The following CSMD1 variants were observed in gnomAD, a reference collection of about 807,000 sequenced individuals.
CSMD1 encodes CUB and sushi domain-containing protein 1.
CSMD1 carries 213 observed loss-of-function variants against 417.5 expected under a neutral mutation model. The ratio of observed to expected loss-of-function variants is 0.51; its 90% CI spans 0.46 to 0.57. The LOEUF (loss-of-function observed/expected upper bound fraction) is 0.57. CSMD1 is among the 20% of genes least tolerant of loss of function. The pLI, the probability that CSMD1 is intolerant of heterozygous loss-of-function variation, is 0.00. For missense variants in CSMD1, 6,923 were observed against 4,529.7 expected (o/e 1.53, Z -15.17); for synonymous variants, 2,862 against 1,736.8 (o/e 1.65, Z -16.11).
intron 1 of CSMD1, among the ~76,000 whole-genome samples, chr8:4,968,374 C>A (rs984608670): frequency 1.3e-5 from 2 of 151,912 alleles, no homozygotes; most frequent in African/African-American, 4.8e-5. Flanking sequence ...TTTTTCCTTA[C>A]CCCCAACAGA....
intron 3 of CSMD1, among the ~76,000 whole-genome samples, chr8:4,233,629 G>T (rs893216381): frequency 2.6e-5 from 4 of 152,226 alleles, no homozygotes; most frequent in South Asian, 2.1e-4. Context: ...ATCTTGGACT[G>T]CCCAGATGCT....
chr8:4,175,759 TA>T (rs539379898), intron 3 of CSMD1, among the ~76,000 whole-genome samples: 46 of 152,200 alleles, frequency 3.0e-4, no homozygotes, highest in African/African-American at 9.6e-4. Flanking sequence ...AATATTAAGT[TA>T]AAAAGATATA....
intron 3 of CSMD1, among the ~76,000 whole-genome samples, chr8:4,358,943 GTAC>G (rs1486509256): frequency 1.3e-4 from 19 of 147,428 alleles, no homozygotes; most frequent in African/African-American, 4.6e-4. Flanking sequence ...AGTACATTCA[GTAC>G]TACACTTCCA....
intron 3 of CSMD1, among the ~76,000 whole-genome samples, chr8:4,312,736 T>A (rs1195347861): frequency 1.3e-5 from 2 of 151,956 alleles, no homozygotes; most frequent in African/African-American, 4.8e-5. Context: ...GAGCCAGGCG[T>A]GGTGGCAGAT....
chr8:4,436,874 C>G (rs375813656), intron 2 of CSMD1, among the ~76,000 whole-genome samples: 1 of 152,118 alleles, frequency 6.6e-6, no homozygotes, highest in Admixed American at 6.5e-5. Context: ...CTGAAGAGTA[C>G]TCCATTGTGT....
At chr8:3,187,408 G>A (rs10216959) in intron 36 of CSMD1, among the ~76,000 whole-genome samples, 6 of 151,966 alleles carry the variant, frequency 3.9e-5, no homozygotes, top group Non-Finnish European at 8.8e-5. Context: ...GACTAAGAGA[G>A]GGTGGACTTG....
At chr8:3,755,436 C>G (rs1411313562) in intron 5 of CSMD1, among the ~76,000 whole-genome samples, 1 of 152,170 alleles carries the variant, frequency 6.6e-6, no homozygotes, top group African/African-American at 2.4e-5. Context: ...GTAACAAAAT[C>G]TATTTTCAAA....
intron 5 of CSMD1, among the ~76,000 whole-genome samples, chr8:3,831,562 G>A (rs1334402782): frequency 6.6e-6 from 1 of 152,100 alleles, no homozygotes; most frequent in African/African-American, 2.4e-5. Flanking sequence ...ATGCCTCTGT[G>A]CTCACTACAG....
At chr8:3,012,249 A>T (rs1169452985) in intron 52 of CSMD1, among the ~76,000 whole-genome samples, 2 of 152,188 alleles carry the variant, frequency 1.3e-5, no homozygotes, top group African/African-American at 4.8e-5. Flanking sequence ...CAGACCAGGG[A>T]CCTAAAACAC....
At chr8:3,796,643 T>C (rs77044096) in intron 5 of CSMD1, among the ~76,000 whole-genome samples, 2,223 of 149,540 alleles carry the variant, frequency 0.015, 46 homozygotes, top group East Asian at 0.038. Context: ...AATGTATAGA[T>C]ATAGATATAT....
chr8:4,041,415 C>G (rs908792300), intron 3 of CSMD1, among the ~76,000 whole-genome samples: 2 of 152,220 alleles, frequency 1.3e-5, no homozygotes, highest in East Asian at 1.9e-4. Flanking sequence ...CTTACTACTA[C>G]GAAAAAAGCA....
chr8:3,654,586 A>G (rs1798011540), intron 7 of CSMD1, among the ~76,000 whole-genome samples: 7 of 152,220 alleles, frequency 4.6e-5, no homozygotes. Context: ...AATTGTCTAC[A>G]TACTCAAAGA....
intron 7 of CSMD1, among the ~76,000 whole-genome samples, chr8:3,691,093 T>C (rs1800213811): frequency 6.6e-6 from 1 of 152,016 alleles, no homozygotes; most frequent in Non-Finnish European, 1.5e-5. Flanking sequence ...TGGGCCGGGC[T>C]TGGTGGCTCA....
At chr8:3,846,272 G>A (rs114769868) in intron 5 of CSMD1, among the ~76,000 whole-genome samples, 3 of 152,054 alleles carry the variant, frequency 2.0e-5, no homozygotes, top group Non-Finnish European at 4.4e-5. Context: ...CATTATGATC[G>A]CTACCATGTC....
intron 1 of CSMD1, among the ~76,000 whole-genome samples, chr8:4,845,075 T>C (rs1239069439): frequency 6.6e-6 from 1 of 152,240 alleles, no homozygotes. Flanking sequence ...ACTATCTATC[T>C]AATTTTCTTT....
At chr8:4,280,564 T>C (rs1796725697) in intron 3 of CSMD1, among the ~76,000 whole-genome samples, 1 of 152,212 alleles carries the variant, frequency 6.6e-6, no homozygotes, top group Non-Finnish European at 1.5e-5. Context: ...TGTTAGAACT[T>C]GAGACTGCAG....
chr8:3,689,843 G>A (rs1035211815), intron 7 of CSMD1, among the ~76,000 whole-genome samples: 2 of 152,170 alleles, frequency 1.3e-5, no homozygotes, highest in African/African-American at 4.8e-5. Context: ...GGCTCAGAAA[G>A]AACATGAGCT....
chr8:4,097,112 C>T (rs901315289), intron 3 of CSMD1, among the ~76,000 whole-genome samples: 23 of 152,126 alleles, frequency 1.5e-4, no homozygotes, highest in Admixed American at 1.0e-3. Context: ...GTGCCTTCCC[C>T]TCTCTGCACT....
intron 9 of CSMD1, among the ~76,000 whole-genome samples, chr8:3,585,927 A>T (rs1321688790): frequency 6.6e-6 from 1 of 152,198 alleles, no homozygotes; most frequent in Non-Finnish European, 1.5e-5. Context: ...CCTCAAATGT[A>T]AAACACAAAA....
Sources: allele counts gnomAD v4.1 joint callset (sites outside exome capture counted in the v4.1 genomes callset), GRCh38; gene constraint gnomAD v4.1.1; transcripts MANE v1.5; gene names NCBI Gene and HGNC (gene_info 2026-07-23, HGNC 2026-07-21).